IKBIP: variants seen among roughly 807,000 people sequenced by gnomAD.
IKBIP encodes the protein IKBKB interacting protein, also known as inhibitor of nuclear factor kappa-B kinase-interacting protein.
IKBIP carries 28 observed loss-of-function variants against 31.0 expected under a neutral mutation model. The ratio of observed to expected loss-of-function variants is 0.90; its 90% CI spans 0.67 to 1.24. The LOEUF (loss-of-function observed/expected upper bound fraction) is 1.24. Among genes scored for constraint, IKBIP ranks in the 50% most tolerant of loss-of-function variants. The pLI, the probability that IKBIP is intolerant of heterozygous loss-of-function variation, is 0.00. For synonymous variants in IKBIP, 164 were observed against 160.3 expected (o/e 1.02, Z -0.17); for missense variants, 453 against 441.9 (o/e 1.03, Z -0.23).
downstream of IKBIP, among the ~76,000 whole-genome samples, chr12:98,622,163 G>A (rs2153295455): frequency 6.6e-6 from 1 of 152,016 alleles, no homozygotes; most frequent in Non-Finnish European, 1.5e-5. Flanking sequence ...TTTAACAGGT[G>A]CTGAAGTGTT....
chr12:98,634,537 T>A, intron 1 of IKBIP, 124 bp from the exon 2 acceptor site: 1 of 382,622 alleles, frequency 2.6e-6, no homozygotes, highest in East Asian at 4.7e-5. Flanking sequence ...GCTGTAGGTT[T>A]TTTTTTTTTT....
intron 2 of IKBIP, among the ~76,000 whole-genome samples, chr12:98,632,089 C>T (rs543902805): frequency 4.6e-5 from 7 of 152,014 alleles, no homozygotes; most frequent in South Asian, 4.2e-4. Flanking sequence ...CTCCTGACCT[C>T]GTGATCTGCC....
At chr12:98,626,977 ATTTAT>A (rs2097615114) in intron 2 of IKBIP, among the ~76,000 whole-genome samples, 1 of 152,086 alleles carries the variant, frequency 6.6e-6, no homozygotes, top group Non-Finnish European at 1.5e-5. Flanking sequence ...TTATTTATTT[ATTTAT>A]TTTTTAGACG....
intron 2 of IKBIP, among the ~76,000 whole-genome samples, chr12:98,628,836 A>G (rs1267063953): frequency 1.3e-5 from 2 of 152,194 alleles, no homozygotes; most frequent in African/African-American, 4.8e-5. Flanking sequence ...AATGGAGATA[A>G]AAGATGCAGT....
intron 2 of IKBIP, among the ~76,000 whole-genome samples, chr12:98,630,625 TCCAGGAACCTATTGATGA>T (rs1205005404): frequency 3.0e-4 from 46 of 152,168 alleles, no homozygotes; most frequent in Middle Eastern, 3.2e-3. Context: ...AATCGTAGTT[TCCAGGAACCTATTGATGA>T]CCAGGAACCT....
chr12:98,633,510 CTT>C (rs71432181), intron 2 of IKBIP, among the ~76,000 whole-genome samples: 1,629 of 61,174 alleles, frequency 0.027, 6 homozygotes, highest in African/African-American at 0.096. Context: ...TTTTTTAATT[CTT>C]TTTTTTTTTT....
intron 1 of IKBIP, among the ~76,000 whole-genome samples, chr12:98,637,721 C>T (rs2097627095): frequency 6.7e-6 from 1 of 149,124 alleles, no homozygotes; most frequent in Non-Finnish European, 1.5e-5. Context: ...TCTTTCTTTC[C>T]TTTTTTTGAG....
At chr12:98,642,395 C>T (rs569943882) in intron 1 of IKBIP, among the ~76,000 whole-genome samples, 1 of 152,138 alleles carries the variant, frequency 6.6e-6, no homozygotes, top group South Asian at 2.1e-4. Flanking sequence ...AGTGATTCGC[C>T]TGCCTCGGCC....
At position 98,634,380 on chromosome 12, in the gene IKBIP, C is replaced by T. The variant is rs1003945454; in HGVS notation, c.213G>A (p.Lys71=). ...TCAGTAACTGGTATTGGTTTTCCAC[C>T]TTTGCAAATTTTTCTGACTGCTGAA... is the stretch of plus-strand genomic sequence containing the variant. The part of the protein sequence containing the change: ...FVFQQSEKFA[K]VENQYQLLKL... The change falls in exon 2 of 3, where the codon AAG becomes AAA. Residue 71 remains lysine, a synonymous_variant. Transcript: ENST00000299157. The T allele has an allele frequency of 1.9e-6, 3 of 1,602,178 alleles. No homozygotes were observed. Among genetic ancestry groups the T allele is most frequent in the Non-Finnish European group, 2.6e-6 (3 of 1,170,960 alleles).
At chr12:98,631,837 G>A (rs1366350582) in intron 2 of IKBIP, among the ~76,000 whole-genome samples, 4 of 149,968 alleles carry the variant, frequency 2.7e-5, no homozygotes, top group African/African-American at 9.8e-5. Flanking sequence ...TTCAAAATAA[G>A]TTTTCAATAG....
downstream of IKBIP, among the ~76,000 whole-genome samples, chr12:98,622,487 A>T (rs1056754740): frequency 6.6e-5 from 10 of 152,100 alleles, no homozygotes; most frequent in African/African-American, 2.4e-4. Flanking sequence ...ACGCCACTAC[A>T]CTCCAGCCTG....
downstream of IKBIP, among the ~76,000 whole-genome samples, chr12:98,623,037 T>C (rs1445734927): frequency 6.6e-6 from 1 of 150,914 alleles, no homozygotes; most frequent in African/African-American, 2.5e-5. Context: ...TGTAGTGCAA[T>C]GGCGTGATTT....
intron 2 of IKBIP, among the ~76,000 whole-genome samples, chr12:98,628,532 T>A (rs2097616923): frequency 6.6e-6 from 1 of 152,220 alleles, no homozygotes; most frequent in Non-Finnish European, 1.5e-5. Context: ...GGATCTCAGC[T>A]CCTCAGAGCA....
intron 2 of IKBIP, among the ~76,000 whole-genome samples, chr12:98,632,604 C>A (rs1368603763): frequency 8.3e-6 from 1 of 120,166 alleles, no homozygotes; most frequent in Non-Finnish European, 1.6e-5. Flanking sequence ...CCCCCAACAG[C>A]TACAACCAGA....
downstream of IKBIP, among the ~76,000 whole-genome samples, chr12:98,620,849 C>CT (rs1282207616): frequency 3.5e-4 from 53 of 151,292 alleles, no homozygotes; most frequent in Admixed American, 2.6e-3. Context: ...CTCACCTCTA[C>CT]TTTTTTTTAT....
At chr12:98,628,252 AC>A (rs1475458232) in intron 2 of IKBIP, among the ~76,000 whole-genome samples, 4 of 152,244 alleles carry the variant, frequency 2.6e-5, no homozygotes, top group African/African-American at 9.6e-5. Context: ...TCAGGTGGAG[AC>A]CCAACCTAGA....
At chr12:98,618,441 G>A (rs1259317512) in intron 2 of IKBIP, among the ~76,000 whole-genome samples, 1 of 151,500 alleles carries the variant, frequency 6.6e-6, no homozygotes, top group African/African-American at 2.4e-5. Flanking sequence ...CCTGGCTAAT[G>A]CAGTGAAACC....
downstream of IKBIP, among the ~76,000 whole-genome samples, chr12:98,619,873 GAAA>G (rs562387976): frequency 5.1e-4 from 35 of 68,984 alleles, no homozygotes; most frequent in Non-Finnish European, 7.4e-4. Context: ...CCCTTTCTCA[GAAA>G]AAAAAAAAAA....
chr12:98,626,992 G>A (rs1019867103), intron 2 of IKBIP, among the ~76,000 whole-genome samples: 3 of 151,812 alleles, frequency 2.0e-5, no homozygotes, highest in Non-Finnish European at 2.9e-5. Flanking sequence ...TTTTTTAGAC[G>A]GAATCTCACC....
Sources: allele counts gnomAD v4.1 joint callset (sites outside exome capture counted in the v4.1 genomes callset), GRCh38; gene constraint gnomAD v4.1.1; transcripts MANE v1.5; gene names NCBI Gene and HGNC (gene_info 2026-07-23, HGNC 2026-07-21).